RDH12: variants seen among roughly 807,000 people sequenced by gnomAD.
RDH12 encodes the protein retinol dehydrogenase 12, also known as all-trans and 9-cis retinol dehydrogenase.
Under a neutral mutation model 34.0 loss-of-function variants are expected in RDH12, and 21 were observed. That is an observed-to-expected ratio of 0.62 (90% CI 0.44 to 0.89). RDH12 has a LOEUF of 0.89. RDH12 is among the 40% of genes least tolerant of loss of function. The pLI is 0.00. For synonymous variants in RDH12, 198 were observed against 169.9 expected (o/e 1.17, Z -1.29); for missense variants, 394 against 398.6 (o/e 0.99, Z 0.10).
chr14:67,710,742 G>C (rs911413991), intron 1 of RDH12, among the ~76,000 whole-genome samples: 14 of 150,534 alleles, frequency 9.3e-5, no homozygotes, highest in African/African-American at 3.4e-4. Context: ...TTTTTAGAAA[G>C]AACGTTTTCC....
chr14:67,729,357 G>A lies in RDH12; in HGVS notation c.825G>A (p.Glu275=), dbSNP rs376224342. The part of the protein sequence containing the change: ...SLHCALAEGL[E]PLSGKYFSDC... Reference sequence around the variant, plus strand: ...ACTGCGCCCTGGCTGAGGGCCTGGAGCCCCTGAGTGGCAAGTACTTCAGGT... The same window carrying A: ...ACTGCGCCCTGGCTGAGGGCCTGGAACCCCTGAGTGGCAAGTACTTCAGGT... The change falls in exon 8 of 9, where the codon GAG becomes GAA. Residue 275 remains glutamate, a synonymous_variant. Transcript: ENST00000551171. 4 of 1,597,886 alleles carry A rather than the reference G, an allele frequency of 2.5e-6. No individual in the cohort carries two copies. The Admixed American group carries it at 5.0e-5, about 20-fold the overall frequency.
chr14:67,731,212 T>C (rs79356114), intron 8 of RDH12, among the ~76,000 whole-genome samples: 1,446 of 137,230 alleles, frequency 0.011, 16 homozygotes, highest in African/African-American at 0.037. Context: ...TCTTTCTTTT[T>C]TTTTTTTTTT....
At chr14:67,723,019 G>T (rs7149221) in intron 3 of RDH12, among the ~76,000 whole-genome samples, 32,711 of 152,030 alleles carry the variant, frequency 0.22, 3,794 homozygotes, top group East Asian at 0.44. Context: ...GAGTCCTTGC[G>T]TTTTCATTTT....
chr14:67,727,431 C>A, intron 7 of RDH12: 4 of 463,494 alleles, frequency 8.6e-6, no homozygotes, highest in Non-Finnish European at 1.2e-5. Context: ...TCTCTTATCT[C>A]ATTTGATTTT....
chr14:67,732,333 G>T (rs2038290108), intron 8 of RDH12, among the ~76,000 whole-genome samples: 1 of 151,174 alleles, frequency 6.6e-6, no homozygotes, highest in African/African-American at 2.4e-5. Flanking sequence ...AGCTACTCGG[G>T]AGGCTAAGGT....
Position 67,729,366 on chromosome 14 carries a change from T to G in RDH12, c.834T>G (p.Ser278Arg). 1.3e-6 allele frequency: 2 copies of G among 1,597,576 alleles called. No individual in the cohort carries two copies. Among genetic ancestry groups the G allele is most frequent in the Non-Finnish European group, 8.5e-7 (1 of 1,179,752 alleles). Residue 278 changes from serine to arginine, a missense_variant, in exon 8 of 9, where the codon AGT becomes AGG. Ser to Arg is a moderately radical substitution (Grantham distance 110). Transcript: ENST00000551171. The stretch of plus-strand genomic sequence containing the variant: ...TGGCTGAGGGCCTGGAGCCCCTGAG[T>G]GGCAAGTACTTCAGGTGTGTGAAGG... ...CALAEGLEPL[S>R]GKYFSDCKRT...
chr14:67,725,352 C>G (rs1394653228), intron 5 of RDH12, 98 bp downstream of exon 5: 2 of 1,254,832 alleles, frequency 1.6e-6, no homozygotes, highest in Non-Finnish European at 2.3e-6. Context: ...GAACCATCAT[C>G]CACCCCACTA....
At chr14:67,721,358 A>T (rs932429000) in intron 2 of RDH12, among the ~76,000 whole-genome samples, 1 of 152,060 alleles carries the variant, frequency 6.6e-6, no homozygotes, top group Non-Finnish European at 1.5e-5. Flanking sequence ...AGCTCAAGTG[A>T]TCCTCCCTAC....
chr14:67,712,199 C>T (rs769717888), intron 1 of RDH12, among the ~76,000 whole-genome samples: 41 of 152,160 alleles, frequency 2.7e-4, no homozygotes, highest in Non-Finnish European at 5.3e-4. Flanking sequence ...GGATTACAGG[C>T]GTGAACCACC....
chr14:67,712,764 A>G (rs2038023762), intron 1 of RDH12, among the ~76,000 whole-genome samples: 2 of 152,202 alleles, frequency 1.3e-5, no homozygotes, highest in Admixed American at 6.5e-5. Flanking sequence ...AGGGAAAAAA[A>G]GAAGGCAGAA....
At position 67,734,105 on chromosome 14, in the gene RDH12, G is replaced by T; in HGVS notation, c.*257G>T. 1 of 373,516 alleles carries T rather than the reference G, an allele frequency of 2.7e-6. No homozygotes were observed. Among genetic ancestry groups the T allele is most frequent in the Non-Finnish European group, 5.2e-6 (1 of 192,618 alleles). 23.1% of individuals were successfully genotyped at this position (373,516 alleles called of 1,614,324 possible). Reference sequence around the variant, plus strand: ...AGTCAGCAACCCTCTGGGGGCAGCAGGACTGGGCAGATCCCAGGCTGGGCA... The same window carrying T: ...AGTCAGCAACCCTCTGGGGGCAGCATGACTGGGCAGATCCCAGGCTGGGCA... On this transcript the variant is annotated 3_prime_UTR_variant, in exon 9 of 9. Transcript: ENST00000551171.
chr14:67,705,022 T>C (rs1035355794), intron 1 of RDH12, among the ~76,000 whole-genome samples: 4 of 152,198 alleles, frequency 2.6e-5, no homozygotes, highest in African/African-American at 9.7e-5. Context: ...CTGTCAGCTA[T>C]GCCATTTTGT....
chr14:67,725,106 A>C lies in RDH12; in HGVS notation c.195A>C (p.Arg65=), dbSNP rs771614823. The C allele has an allele frequency of 9.3e-5, 150 of 1,614,020 alleles. No homozygotes were observed. Among genetic ancestry groups the C allele is most frequent in the Non-Finnish European group, 1.0e-4 (123 of 1,180,030 alleles). Residue 65 remains arginine, a synonymous_variant, in exon 5 of 9, where the codon CGA becomes CGC. Transcript: ENST00000551171. ...TARELASRGA[R]VYIACRDVLK... ...TTTTTGTCTTGGACCCAGGAGCCCG[A>C]GTCTATATTGCCTGCAGAGATGTAC...
intron 7 of RDH12, chr14:67,728,267 C>A (rs2038215573): frequency 6.6e-6 from 1 of 152,178 alleles, no homozygotes; most frequent in African/African-American, 2.4e-5. Flanking sequence ...ATAACTATTA[C>A]AATAATAATT....
intron 1 of RDH12, among the ~76,000 whole-genome samples, chr14:67,708,971 T>G (rs1344946301): frequency 6.6e-6 from 1 of 152,106 alleles, no homozygotes; most frequent in African/African-American, 2.4e-5. Context: ...TTTTGTATTT[T>G]TAGTAAAGAT....
intron 5 of RDH12, 91 bp downstream of exon 5, chr14:67,725,345 C>A: frequency 7.7e-7 from 1 of 1,294,928 alleles, no homozygotes; most frequent in East Asian, 2.4e-5. Context: ...TACATCAGAA[C>A]CATCATCCAC....
rs2038182374 is a variant in RDH12 at position 67,726,108 on chromosome 14, C to A, written c.401C>A (p.Ser134Tyr). 3 of 1,614,022 alleles carry A rather than the reference C, an allele frequency of 1.9e-6. No individual in the cohort carries two copies. Among genetic ancestry groups the A allele is most frequent in the Non-Finnish European group, 1.7e-6 (2 of 1,179,930 alleles). ...GCGGGAGTAATGATGTGTCCATATT[C>A]CAAGACAGCTGATGGCTTTGAAACC... is the stretch of plus-strand genomic sequence containing the variant. ...NNAGVMMCPYSKTADGFETHL... is the reference protein window; with the variant it reads ...NNAGVMMCPYYKTADGFETHL... The change falls in exon 6 of 9, where the codon TCC becomes TAC. Residue 134 changes from serine (S) to tyrosine (Y), a missense_variant. Ser to Tyr is a moderately radical substitution (Grantham distance 144). Coordinates refer to ENST00000551171, the MANE Select transcript of RDH12 (RefSeq NM_152443.3).
At position 67,733,775 on chromosome 14, in the gene RDH12, G is replaced by T. The variant is rs746131696; in HGVS notation, c.878G>T (p.Arg293Met). The change falls in exon 9 of 9, where the codon AGG becomes ATG. Residue 293 changes from arginine to methionine, a missense_variant. By Grantham distance (91) the Arg-to-Met change is moderately conservative. Coordinates refer to ENST00000551171, the MANE Select transcript of RDH12 (RefSeq NM_152443.3). The part of the protein sequence containing the change: ...SDCKRTWVSP[R>M]ARNNKTAERL... Reference sequence around the variant, plus strand: ...TGCAAGAGGACCTGGGTGTCTCCAAGGGCCCGAAATAACAAAACAGCTGAG... The same window carrying T: ...TGCAAGAGGACCTGGGTGTCTCCAATGGCCCGAAATAACAAAACAGCTGAG... The T allele has an allele frequency of 6.2e-7, 1 of 1,613,400 alleles. No individual in the cohort carries two copies. Among genetic ancestry groups the T allele is most frequent in the Non-Finnish European group, 8.5e-7 (1 of 1,179,580 alleles).
chr14:67,714,972 T>C (rs1332784517), intron 1 of RDH12: 1 of 152,172 alleles, frequency 6.6e-6, no homozygotes, highest in Non-Finnish European at 1.5e-5. Flanking sequence ...ACAAACAAAT[T>C]AAAGGCAAGA....
Sources: allele counts gnomAD v4.1 joint callset (sites outside exome capture counted in the v4.1 genomes callset), GRCh38; gene constraint gnomAD v4.1.1; transcripts MANE v1.5; gene names NCBI Gene and HGNC (gene_info 2026-07-23, HGNC 2026-07-21).